The following PYROXD1 variants were observed in gnomAD, a reference collection of about 807,000 sequenced individuals.
The protein encoded by PYROXD1 is tRNA ligase complex-associated NAD(P)H dehydrogenase PYROXD1.
In PYROXD1, 42 loss-of-function variants were observed where a neutral mutation model predicts 62.0. The ratio of observed to expected loss-of-function variants is 0.68; its 90% CI spans 0.53 to 0.88. The LOEUF (loss-of-function observed/expected upper bound fraction) is 0.88. Among genes scored for constraint, PYROXD1 ranks in the 40% least tolerant of loss-of-function variants. PYROXD1 has a pLI of 0.00. For missense variants in PYROXD1, 493 were observed against 604.8 expected (o/e 0.82, Z 1.94); for synonymous variants, 170 against 206.4 (o/e 0.82, Z 1.51).
At chr12:21,452,035 G>T in intron 4 of PYROXD1, 46 bp from the exon 5 acceptor site, 2 of 1,096,136 alleles carry the variant, frequency 1.8e-6, no homozygotes, top group South Asian at 1.4e-5. Flanking sequence ...TCAGATTATT[G>T]CCCACTATTA....
intron 7 of PYROXD1, among the ~76,000 whole-genome samples, chr12:21,458,304 T>C (rs868801173): frequency 2.0e-5 from 3 of 152,188 alleles, no homozygotes; most frequent in African/African-American, 4.8e-5. Flanking sequence ...CTTTACAGAA[T>C]TGAAAACAGT....
intron 2 of PYROXD1, 102 bp from the exon 3 acceptor site, chr12:21,445,244 TA>T: frequency 8.1e-7 from 1 of 1,236,424 alleles, no homozygotes; most frequent in Non-Finnish European, 1.1e-6. Context: ...GTTTGTTTTA[TA>T]AACACAAAAT....
intron 3 of PYROXD1, among the ~76,000 whole-genome samples, chr12:21,447,319 C>T (rs1021643691): frequency 3.9e-5 from 6 of 151,988 alleles, no homozygotes; most frequent in South Asian, 2.1e-4. Context: ...AATCTGAATC[C>T]CCAAACCAGA....
chr12:21,453,358 A>G (rs1942536561), intron 5 of PYROXD1, among the ~76,000 whole-genome samples: 1 of 152,040 alleles, frequency 6.6e-6, no homozygotes, highest in Non-Finnish European at 1.5e-5. Context: ...GACCCACATA[A>G]TGTTATTCTC....
intron 3 of PYROXD1, among the ~76,000 whole-genome samples, chr12:21,445,763 G>A (rs1239701130): frequency 6.6e-6 from 1 of 152,154 alleles, no homozygotes; most frequent in Admixed American, 6.5e-5. Context: ...TTAATACGAG[G>A]TGTTGGCTCC....
intron 2 of PYROXD1, among the ~76,000 whole-genome samples, chr12:21,442,402 C>T (rs1458367621): frequency 6.6e-6 from 1 of 152,208 alleles, no homozygotes; most frequent in Non-Finnish European, 1.5e-5. Flanking sequence ...AGAGTTACAG[C>T]AGCTTCAGTG....
In PYROXD1 at chr12:21,471,087, C is replaced by T. The variant is rs763502240; in HGVS notation, c.*2333C>T. The T allele has an allele frequency of 6.3e-5, 99 of 1,581,146 alleles. No individual in the cohort carries two copies. Among genetic ancestry groups the T allele is most frequent in the Non-Finnish European group, 8.3e-5 (97 of 1,169,280 alleles). On this transcript the variant is annotated 3_prime_UTR_variant, in exon 12 of 12. Transcript: ENST00000240651. Reference sequence around the variant, plus strand: ...CGAAATGGTAGCATAAGCTGTAAAACTGTAGTCTTCTCTGCAGAAAATAAA... The same window carrying T: ...CGAAATGGTAGCATAAGCTGTAAAATTGTAGTCTTCTCTGCAGAAAATAAA...
rs1424738646 is a variant in PYROXD1, at chr12:21,467,311, C to A, written c.1117-170C>A. 6 of 523,354 alleles carry A rather than the reference C, an allele frequency of 1.1e-5. No individual in the cohort carries two copies. In the Admixed American group the frequency reaches 1.9e-4, roughly 17 times the overall value. 32.4% of individuals were successfully genotyped at this position (523,354 alleles called of 1,614,324 possible). On this transcript the variant is annotated intron_variant, in intron 10 of 11. Coordinates refer to ENST00000240651, the MANE Select transcript of PYROXD1 (RefSeq NM_024854.5). ...GAGGCAGTAATTTAGATAGAATTAACAAATACCAAAAATCAGTCTGATTAG... is the reference window on the plus strand; with the variant it reads ...GAGGCAGTAATTTAGATAGAATTAAAAAATACCAAAAATCAGTCTGATTAG...
chr12:21,459,528 G>T (rs988896610), intron 7 of PYROXD1, among the ~76,000 whole-genome samples: 1 of 152,172 alleles, frequency 6.6e-6, no homozygotes, highest in African/African-American at 2.4e-5. Context: ...AAAGGGGCTC[G>T]TGGGAGCCCC....
At position 21,470,287 on chromosome 12, in the gene PYROXD1, A is replaced by G. The variant is rs775571169; in HGVS notation, c.*1533A>G. The G allele has an allele frequency of 1.3e-6, 2 of 1,594,414 alleles. No individual in the cohort carries two copies. Among genetic ancestry groups the G allele is most frequent in the Non-Finnish European group, 1.7e-6 (2 of 1,173,630 alleles). On this transcript the variant is annotated 3_prime_UTR_variant, in exon 12 of 12. Transcript: ENST00000240651. The stretch of plus-strand genomic sequence containing the variant: ...CAGCCTTCTTCTGGAAGTTGCCTGA[A>G]TTTTTTTCCTCCATCTTTTTATCAC...
intron 9 of PYROXD1, 95 bp from the exon 10 acceptor site, chr12:21,462,645 C>A (rs1942719978): frequency 2.2e-6 from 3 of 1,381,502 alleles, no homozygotes; most frequent in South Asian, 1.2e-5. Flanking sequence ...GATGAGCATG[C>A]AAAGTGTAAC....
intron 3 of PYROXD1, chr12:21,447,914 G>A (rs540509546): frequency 2.2e-4 from 46 of 213,408 alleles, no homozygotes; most frequent in African/African-American, 3.2e-4. Context: ...ACATGAACCC[G>A]GGAGATTGCA....
chr12:21,461,229 A>G, intron 8 of PYROXD1, 75 bp downstream of exon 8: 2 of 932,034 alleles, frequency 2.1e-6, no homozygotes, highest in Admixed American at 3.1e-5. Context: ...GCTGTGTTCT[A>G]TTAAAAATAA....
At position 21,442,462 on chromosome 12, in the gene PYROXD1, C is replaced by T. The variant is rs181874742; in HGVS notation, c.165+2014C>T. Among the ~76,000 whole-genome samples the T allele has an allele frequency of 2.2e-3, 342 of 152,300 alleles. 4 individuals carry two copies. The highest frequency in any genetic ancestry group is 6.8e-3 in the Middle Eastern group (2 of 294). ...GGCAGCTGAGCCAGTGCCTAGATTGCAGACATGTGCAGTGAGGATTGGTTG... is the reference window on the plus strand; with the variant it reads ...GGCAGCTGAGCCAGTGCCTAGATTGTAGACATGTGCAGTGAGGATTGGTTG... On this transcript the variant is annotated intron_variant, in intron 2 of 11. Coordinates refer to ENST00000240651, the MANE Select transcript of PYROXD1 (RefSeq NM_024854.5).
At position 21,471,086 on chromosome 12, in the gene PYROXD1, A is replaced by G. The variant is rs1942942938; in HGVS notation, c.*2332A>G. 1 of 1,584,470 alleles carries G rather than the reference A, an allele frequency of 6.3e-7. No homozygotes were observed. Among genetic ancestry groups the G allele is most frequent in the Non-Finnish European group, 8.5e-7 (1 of 1,170,392 alleles). On this transcript the variant is annotated 3_prime_UTR_variant, in exon 12 of 12. Coordinates refer to ENST00000240651, the MANE Select transcript of PYROXD1 (RefSeq NM_024854.5). ...ACGAAATGGTAGCATAAGCTGTAAA[A>G]CTGTAGTCTTCTCTGCAGAAAATAA...
Sources: allele counts gnomAD v4.1 joint callset (sites outside exome capture counted in the v4.1 genomes callset), GRCh38; gene constraint gnomAD v4.1.1; transcripts MANE v1.5; gene names NCBI Gene and HGNC (gene_info 2026-07-23, HGNC 2026-07-21).